The following VWA8 variants were observed in gnomAD, a reference collection of about 807,000 sequenced individuals.
The protein encoded by VWA8 is von Willebrand factor A domain containing 8, also known as von Willebrand factor A domain-containing protein 8.
Under a neutral mutation model 241.5 loss-of-function variants are expected in VWA8, and 221 were observed. That is an observed-to-expected ratio of 0.91 (90% CI 0.82 to 1.02). The LOEUF (loss-of-function observed/expected upper bound fraction) is 1.02, where lower values mean the gene tolerates loss of function less well. VWA8 is among the 50% of genes least tolerant of loss of function. The pLI is 0.00. For missense variants in VWA8, 2,322 were observed against 2,328.7 expected (o/e 1.00, Z 0.06); for synonymous variants, 852 against 827.1 (o/e 1.03, Z -0.52).
chr13:41,916,143 T>G (rs1009421763), intron 2 of VWA8, among the ~76,000 whole-genome samples: 2 of 152,236 alleles, frequency 1.3e-5, no homozygotes, highest in Non-Finnish European at 2.9e-5. Flanking sequence ...AAAGTTGTTA[T>G]GAGGATTATA....
intron 27 of VWA8, among the ~76,000 whole-genome samples, chr13:41,702,694 A>G (rs1019864023): frequency 2.0e-5 from 3 of 152,224 alleles, no homozygotes; most frequent in Non-Finnish European, 4.4e-5. Context: ...TAGGGCCACA[A>G]AGCCTAAAAT....
chr13:41,957,091 A>C (rs1470723862), intron 1 of VWA8, among the ~76,000 whole-genome samples: 1 of 152,112 alleles, frequency 6.6e-6, no homozygotes, highest in Non-Finnish European at 1.5e-5. Context: ...AAATACAAAA[A>C]TTAGCTGGGG....
intron 5 of VWA8, among the ~76,000 whole-genome samples, chr13:41,888,588 T>C (rs1212627793): frequency 6.6e-6 from 1 of 152,162 alleles, no homozygotes; most frequent in Non-Finnish European, 1.5e-5. Context: ...CAGTCAAAGC[T>C]CAGCACAAAA....
At chr13:41,646,584 AT>A (rs547512679) in intron 37 of VWA8, among the ~76,000 whole-genome samples, 4 of 150,438 alleles carry the variant, frequency 2.7e-5, no homozygotes, top group Admixed American at 6.6e-5. Flanking sequence ...GGTTTATCAG[AT>A]TTTTTTTTTA....
At chr13:41,726,661 G>T (rs1458936672) in intron 24 of VWA8, among the ~76,000 whole-genome samples, 2 of 152,102 alleles carry the variant, frequency 1.3e-5, no homozygotes, top group Non-Finnish European at 2.9e-5. Flanking sequence ...TAGATATGAA[G>T]CCCAAGTCCA....
intron 21 of VWA8, among the ~76,000 whole-genome samples, chr13:41,733,137 G>GT (rs1566433682): frequency 6.6e-6 from 1 of 151,830 alleles, no homozygotes; most frequent in African/African-American, 2.4e-5. Flanking sequence ...AGACCTGGAC[G>GT]TTATACTTGT....
chr13:41,671,210 G>T, intron 36 of VWA8, 63 bp from the exon 37 acceptor site: 2 of 1,537,388 alleles, frequency 1.3e-6, no homozygotes, highest in Non-Finnish European at 1.8e-6. Context: ...GGATGACACT[G>T]CACATTGTAA....
chr13:41,907,819 T>G (rs1214663496), intron 3 of VWA8, 123 bp from the exon 4 acceptor site: 1 of 711,260 alleles, frequency 1.4e-6, no homozygotes, highest in Non-Finnish European at 2.4e-6. Flanking sequence ...AATTTTGGGT[T>G]GAAACTTGTT....
At position 41,921,021 on chromosome 13, in the gene VWA8, G is replaced by A. The variant is rs545844387; in HGVS notation, c.242-8853C>T. On this transcript the variant is annotated intron_variant, in intron 2 of 44. Coordinates refer to ENST00000379310, the MANE Select transcript of VWA8 (RefSeq NM_015058.2). ...TAGACCAATATCCCTGATGAACATC[G>A]ATGCAAAAATCCTCAATAAAATACT... Among the ~76,000 whole-genome samples the A allele has an allele frequency of 1.1e-4, 17 of 152,226 alleles. No individual in the cohort carries two copies. In the South Asian group the frequency reaches 2.5e-3, roughly 22 times the overall value.
At chr13:41,572,812 A>AAG (rs2044317196) in intron 43 of VWA8, among the ~76,000 whole-genome samples, 1 of 150,486 alleles carries the variant, frequency 6.6e-6, no homozygotes, top group South Asian at 2.1e-4. Context: ...AAAAAAAAAA[A>AAG]AAAAAAAAAG....
At chr13:41,691,298 T>C in intron 32 of VWA8, 22 bp downstream of exon 32, 1 of 1,609,870 alleles carries the variant, frequency 6.2e-7, no homozygotes, top group Non-Finnish European at 8.5e-7. Context: ...TACTCCATGA[T>C]ACACTATATA....
chr13:41,882,457 G>A (rs1265691725), intron 9 of VWA8, among the ~76,000 whole-genome samples: 1 of 152,062 alleles, frequency 6.6e-6, no homozygotes, highest in African/African-American at 2.4e-5. Flanking sequence ...GCAGGCAGCT[G>A]GGAGGTGGAG....
intron 26 of VWA8, among the ~76,000 whole-genome samples, chr13:41,707,946 C>T (rs1204365940): frequency 2.0e-5 from 3 of 152,102 alleles, no homozygotes; most frequent in African/African-American, 4.8e-5. Flanking sequence ...ACATACAAAA[C>T]TCCTAGAAAC....
chr13:41,955,720 G>C (rs1410055109), intron 1 of VWA8: 1 of 152,150 alleles, frequency 6.6e-6, no homozygotes, highest in Non-Finnish European at 1.5e-5. Context: ...CTCCGTACTT[G>C]GAGTCCTTAT....
chr13:41,797,053 C>T (rs1344401612), intron 17 of VWA8, among the ~76,000 whole-genome samples: 1 of 151,902 alleles, frequency 6.6e-6, no homozygotes, highest in Admixed American at 6.6e-5. Context: ...TTTTTTGAGA[C>T]AGAGTCTTGC....
intron 2 of VWA8, among the ~76,000 whole-genome samples, chr13:41,919,866 T>A (rs1876430568): frequency 6.6e-6 from 1 of 152,028 alleles, no homozygotes; most frequent in African/African-American, 2.4e-5. Context: ...CGTAGCTGTA[T>A]ATTTTAGGGC....
chr13:41,916,347 T>G (rs76648162), intron 2 of VWA8, among the ~76,000 whole-genome samples: 1 of 152,228 alleles, frequency 6.6e-6, no homozygotes, highest in Non-Finnish European at 1.5e-5. Flanking sequence ...TGTTCTACAG[T>G]CCCTCCAAAA....
intron 21 of VWA8, among the ~76,000 whole-genome samples, chr13:41,737,397 T>C (rs937307157): frequency 6.6e-6 from 1 of 152,234 alleles, no homozygotes; most frequent in African/African-American, 2.4e-5. Flanking sequence ...TAAACAAGTT[T>C]AAGAATCACT....
intron 28 of VWA8, 64 bp from the exon 29 acceptor site, chr13:41,699,334 C>G: frequency 6.8e-7 from 1 of 1,467,096 alleles, no homozygotes; most frequent in Non-Finnish European, 9.5e-7. Context: ...GCCAAGAGGT[C>G]TAGTGAAAAC....
Sources: allele counts gnomAD v4.1 joint callset (sites outside exome capture counted in the v4.1 genomes callset), GRCh38; gene constraint gnomAD v4.1.1; transcripts MANE v1.5; gene names NCBI Gene and HGNC (gene_info 2026-07-23, HGNC 2026-07-21).